PLCB1: variants seen among roughly 807,000 people sequenced by gnomAD.
The protein encoded by PLCB1 is phospholipase C beta 1.
Under a neutral mutation model 161.8 loss-of-function variants are expected in PLCB1, and 46 were observed. The ratio of observed to expected loss-of-function variants is 0.28; its 90% CI spans 0.22 to 0.36. The LOEUF (loss-of-function observed/expected upper bound fraction) is 0.36, where lower values mean the gene tolerates loss of function less well. Among genes scored for constraint, PLCB1 ranks in the 10% least tolerant of loss-of-function variants. PLCB1 has a pLI of 1.00. For synonymous variants in PLCB1, 517 were observed against 503.7 expected (o/e 1.03, Z -0.35); for missense variants, 1,016 against 1,472.5 (o/e 0.69, Z 5.07).
intron 26 of PLCB1, 109 bp from the exon 27 acceptor site, chr20:8,774,430 A>G: frequency 9.1e-7 from 1 of 1,096,420 alleles, no homozygotes; most frequent in East Asian, 2.4e-5. Context: ...TTATGAAAAT[A>G]TGTATTTCCA....
intron 2 of PLCB1, among the ~76,000 whole-genome samples, chr20:8,230,157 A>G (rs1316428369): frequency 6.7e-6 from 1 of 149,790 alleles, no homozygotes; most frequent in African/African-American, 2.4e-5. Context: ...TAAGTTTCTT[A>G]GGTGACTCCT....
chr20:8,227,619 C>T (rs565213539), intron 2 of PLCB1, among the ~76,000 whole-genome samples: 5 of 152,310 alleles, frequency 3.3e-5, no homozygotes, highest in Admixed American at 2.6e-4. Flanking sequence ...CCAACCCACA[C>T]TTTTACAAAT....
chr20:8,458,790 C>T (rs1981441826), intron 3 of PLCB1, among the ~76,000 whole-genome samples: 1 of 152,128 alleles, frequency 6.6e-6, no homozygotes, highest in Admixed American at 6.6e-5. Flanking sequence ...TAATTTATCC[C>T]ACTTAACAAG....
intron 10 of PLCB1, among the ~76,000 whole-genome samples, chr20:8,686,734 A>G (rs552301315): frequency 6.6e-6 from 1 of 152,288 alleles, no homozygotes; most frequent in South Asian, 2.1e-4. Flanking sequence ...TTTTTAGGCT[A>G]TCATCTGTGT....
At chr20:8,465,037 T>C (rs1022743783) in intron 3 of PLCB1, among the ~76,000 whole-genome samples, 1 of 152,210 alleles carries the variant, frequency 6.6e-6, no homozygotes, top group Non-Finnish European at 1.5e-5. Context: ...TCTTCTTATT[T>C]ATTTCCTGAA....
chr20:8,289,380 C>T (rs1159620603), intron 2 of PLCB1, among the ~76,000 whole-genome samples: 1 of 152,124 alleles, frequency 6.6e-6, no homozygotes, highest in African/African-American at 2.4e-5. Context: ...AACTGCATTT[C>T]CACTGAGACT....
intron 3 of PLCB1, among the ~76,000 whole-genome samples, chr20:8,448,424 T>C (rs981465921): frequency 1.5e-4 from 23 of 152,156 alleles, no homozygotes; most frequent in African/African-American, 5.6e-4. Flanking sequence ...TATGGCAAAA[T>C]TGCTGATATA....
chr20:8,282,051 T>A (rs1423796238), intron 2 of PLCB1, among the ~76,000 whole-genome samples: 1 of 152,186 alleles, frequency 6.6e-6, no homozygotes, highest in Non-Finnish European at 1.5e-5. Flanking sequence ...ACAAACATGT[T>A]AAAATGCTCA....
intron 23 of PLCB1, among the ~76,000 whole-genome samples, chr20:8,748,355 C>T (rs559282494): frequency 6.6e-6 from 1 of 152,260 alleles, no homozygotes; most frequent in East Asian, 1.9e-4. Flanking sequence ...TGCCTAATAT[C>T]AACGGCCAAT....
chr20:8,310,166 C>T (rs1984333148), intron 2 of PLCB1, among the ~76,000 whole-genome samples: 1 of 151,386 alleles, frequency 6.6e-6, no homozygotes, highest in Non-Finnish European at 1.5e-5. Flanking sequence ...CGGTGGGTCT[C>T]TCTAGTGGAA....
At chr20:8,411,014 A>T (rs1568665707) in intron 3 of PLCB1, among the ~76,000 whole-genome samples, 1 of 152,182 alleles carries the variant, frequency 6.6e-6, no homozygotes, top group African/African-American at 2.4e-5. Context: ...TGGACTTTTG[A>T]TCTCCAAAAC....
intron 21 of PLCB1, 131 bp from the exon 22 acceptor site, chr20:8,740,212 TA>T (rs1980799433): frequency 8.4e-6 from 5 of 594,362 alleles, no homozygotes; most frequent in Non-Finnish European, 1.5e-5. Context: ...TAAATGTTAT[TA>T]AAATGAAAAA....
chr20:8,426,793 A>G (rs2662982), intron 3 of PLCB1, among the ~76,000 whole-genome samples: 71,932 of 152,070 alleles, frequency 0.47, 17,425 homozygotes, highest in African/African-American at 0.52. Context: ...ACATCGTGTC[A>G]TAAACCTCAA....
At chr20:8,732,056 A>G (rs1980277909) in intron 18 of PLCB1, 1 of 151,848 alleles carries the variant, frequency 6.6e-6, no homozygotes, top group Admixed American at 6.6e-5. Flanking sequence ...GTATTCTTTC[A>G]CTCTATCAGT....
rs185267794 is a variant in PLCB1 at position 8,593,352 on chromosome 20, C to T, written c.247-34942C>T. ...CATGCCCATCTAATTTGTGTGTGCGCGTGTGTGTGTGTGTGTGTATGTGTG... is the reference window on the plus strand; with the variant it reads ...CATGCCCATCTAATTTGTGTGTGCGTGTGTGTGTGTGTGTGTGTATGTGTG... On this transcript the variant is annotated intron_variant, in intron 3 of 31. Transcript: ENST00000338037. Among the ~76,000 whole-genome samples the T allele has an allele frequency of 1.6e-4, 24 of 149,998 alleles. No homozygotes were observed. The East Asian group carries it at 2.2e-3, about 13-fold the overall frequency.
intron 2 of PLCB1, among the ~76,000 whole-genome samples, chr20:8,205,028 TA>T (rs1370263182): frequency 6.6e-6 from 1 of 152,188 alleles, no homozygotes; most frequent in African/African-American, 2.4e-5. Context: ...GTTTTGAATT[TA>T]AACTGAATAT....
At position 8,416,929 on chromosome 20, in the gene PLCB1, T is replaced by TACACAC. The variant is rs56097941; in HGVS notation, c.246+45515_246+45520dup. Reference sequence around the variant, plus strand: ...CTCTTTTACAGTTGAAGAGACAGAATACACACACACACACACACACACACA... The same window carrying TACACAC: ...CTCTTTTACAGTTGAAGAGACAGAATACACACACACACACACACACACACACACACA... On this transcript the variant is annotated intron_variant, in intron 3 of 31. Transcript: ENST00000338037. 7.8e-3 allele frequency among the ~76,000 whole-genome samples: 985 copies of TACACAC among 126,432 alleles called. 9 individuals carry two copies. The highest frequency in any genetic ancestry group is 0.011 in the Non-Finnish European group (645 of 60,864). 82.9% of individuals were successfully genotyped at this position (126,432 alleles called of 152,430 possible). A position where few individuals can be genotyped will look rare whatever the true frequency, so the allele number is the denominator to read the frequency against.
At chr20:8,589,459 G>T (rs1308701435) in intron 3 of PLCB1, among the ~76,000 whole-genome samples, 1 of 152,040 alleles carries the variant, frequency 6.6e-6, no homozygotes, top group Admixed American at 6.6e-5. Flanking sequence ...ATTTCTTACA[G>T]TACTAGAGGC....
intron 4 of PLCB1, among the ~76,000 whole-genome samples, chr20:8,643,545 G>A (rs967795483): frequency 6.6e-6 from 1 of 151,940 alleles, no homozygotes; most frequent in Non-Finnish European, 1.5e-5. Flanking sequence ...CGTATTATCG[G>A]TGCCTTAAGT....
Sources: gnomAD v4.1 joint callset for allele counts (sites outside exome capture counted in the v4.1 genomes callset) on GRCh38, gnomAD v4.1.1 for gene constraint, MANE v1.5 for transcripts, NCBI Gene and HGNC (gene_info 2026-07-23, HGNC 2026-07-21) for gene names.